ADAM9: variants seen among roughly 807,000 people sequenced by gnomAD.
The protein encoded by ADAM9 is ADAM metallopeptidase domain 9.
A neutral mutation model predicts 108.1 loss-of-function variants in ADAM9; 54 were observed. The ratio of observed to expected loss-of-function variants is 0.50; its 90% CI spans 0.40 to 0.63. ADAM9 has a LOEUF of 0.63. ADAM9 is among the 20% of genes least tolerant of loss of function. The pLI, the probability that ADAM9 is intolerant of heterozygous loss-of-function variation, is 0.00. For missense variants in ADAM9, 830 were observed against 997.7 expected, an observed-to-expected ratio of 0.83 and a Z score of 2.26; for synonymous variants, 316 against 336.0, an observed-to-expected ratio of 0.94 and a Z score of 0.65.
chr8:39,080,784 G>A lies in ADAM9; in HGVS notation c.1882-1857G>A, dbSNP rs1053557608. On this transcript the variant is annotated intron_variant, in intron 16 of 21. Coordinates refer to ENST00000487273, the MANE Select transcript of ADAM9 (RefSeq NM_003816.3). ...CTCACCTTCATTTTTATTGTCCCAG[G>A]TAGTTCAATTTTGCTCCCCACTTGC... is the stretch of plus-strand genomic sequence containing the variant. 5.9e-5 allele frequency among the ~76,000 whole-genome samples: 9 copies of A among 152,062 alleles called. No individual in the cohort carries two copies. In the South Asian group the frequency reaches 1.7e-3, roughly 28 times the overall value.
At chr8:39,071,510 A>G in intron 15 of ADAM9, 107 bp downstream of exon 15, 2 of 1,023,178 alleles carry the variant, frequency 2.0e-6, no homozygotes, top group East Asian at 2.7e-5. Context: ...CTCTGTTGCC[A>G]GGCTGGAGTG....
At chr8:39,037,961 C>G (rs1257945550) in intron 11 of ADAM9, among the ~76,000 whole-genome samples, 1 of 152,012 alleles carries the variant, frequency 6.6e-6, no homozygotes, top group Admixed American at 6.6e-5. Flanking sequence ...TTAATGGTAA[C>G]TCCTTCCTTC....
Position 39,054,523 on chromosome 8 carries a change from C to T in ADAM9, c.1345C>T (p.Leu449Phe). 3 of 1,605,884 alleles carry T rather than the reference C, an allele frequency of 1.9e-6. No individual in the cohort carries two copies. Among genetic ancestry groups the T allele is most frequent in the Non-Finnish European group, 2.5e-6 (3 of 1,177,072 alleles). The stretch of plus-strand genomic sequence containing the variant: ...TTGCTGCGAAGGAAGTACCTGTAAG[C>T]TTAAATCATTTGCTGAGTGTGCATA... Reference protein sequence around the residue: ...DPCCEGSTCKLKSFAECAYGD... With the variant: ...DPCCEGSTCKFKSFAECAYGD... The change falls in exon 13 of 22, where the codon CTT becomes TTT. Residue 449 changes from leucine (L) to phenylalanine (F), a missense_variant. This residue lies in a region of ADAM9 where 381 missense variants were observed against 539.8 expected (regional missense o/e 0.71). Transcript: ENST00000487273.
intron 12 of ADAM9, among the ~76,000 whole-genome samples, chr8:39,050,830 GTTTTTTTTT>G (rs58115667): frequency 5.9e-5 from 5 of 85,238 alleles, no homozygotes; most frequent in South Asian, 4.6e-4. Flanking sequence ...GCTTGGAAGT[GTTTTTTTTT>G]TTTTTTTTTT....
At chr8:39,099,999 C>T (rs1839636431) in intron 20 of ADAM9, among the ~76,000 whole-genome samples, 2 of 150,956 alleles carry the variant, frequency 1.3e-5, no homozygotes. Context: ...TCTGCCTTAG[C>T]CTCCTGAGTA....
chr8:39,008,061 C>A, intron 2 of ADAM9, 78 bp downstream of exon 2: 1 of 1,058,090 alleles, frequency 9.5e-7, no homozygotes. Context: ...TTATTTGTAG[C>A]AGTGATCAGT....
At chr8:39,076,640 T>A (rs1838857690) in intron 15 of ADAM9, among the ~76,000 whole-genome samples, 1 of 152,154 alleles carries the variant, frequency 6.6e-6, no homozygotes, top group Admixed American at 6.5e-5. Flanking sequence ...TGAAAGGATA[T>A]AGGAAGGGCA....
At chr8:39,054,708 C>A in intron 13 of ADAM9, 135 bp downstream of exon 13, 1 of 683,844 alleles carries the variant, frequency 1.5e-6, no homozygotes, top group South Asian at 1.7e-5. Flanking sequence ...AAATTTTATG[C>A]CACTTGTGTA....
intron 10 of ADAM9, 58 bp from the exon 11 acceptor site, chr8:39,026,618 GC>G: frequency 6.2e-7 from 1 of 1,610,048 alleles, no homozygotes; most frequent in South Asian, 1.1e-5. Context: ...AATAATCTGA[GC>G]AGCAAAACAT....
intron 1 of ADAM9, among the ~76,000 whole-genome samples, chr8:39,005,106 T>G (rs918513963): frequency 6.6e-6 from 1 of 152,174 alleles, no homozygotes; most frequent in Non-Finnish European, 1.5e-5. Context: ...CCTCATCCTT[T>G]TACATGGGAA....
At chr8:39,014,244 A>G in intron 4 of ADAM9, 1 of 581,586 alleles carries the variant, frequency 1.7e-6, no homozygotes, top group South Asian at 2.3e-5. Context: ...GGTACTCAGT[A>G]GTTAAGGTTT....
At chr8:39,050,058 T>C (rs895881050) in intron 12 of ADAM9, among the ~76,000 whole-genome samples, 4 of 152,216 alleles carry the variant, frequency 2.6e-5, no homozygotes, top group Non-Finnish European at 4.4e-5. Flanking sequence ...TGGCAGTTTT[T>C]TTCTTTCATT....
intron 15 of ADAM9, chr8:39,075,947 G>C (rs1838839092): frequency 6.6e-6 from 1 of 152,136 alleles, no homozygotes; most frequent in Admixed American, 6.5e-5. Flanking sequence ...GTAAAGTTGG[G>C]ACAAAATTAT....
chr8:39,017,494 T>C, intron 6 of ADAM9, 80 bp downstream of exon 6: 1 of 1,425,338 alleles, frequency 7.0e-7, no homozygotes, highest in African/African-American at 1.4e-5. Context: ...ATCAATACTA[T>C]GAGTAGTGTT....
At chr8:39,089,705 T>A (rs373552332) in intron 18 of ADAM9, 2 of 324,864 alleles carry the variant, frequency 6.2e-6, no homozygotes, top group African/African-American at 4.3e-5. Flanking sequence ...AGGTCCACTA[T>A]GTACAGATAA....
At chr8:39,031,575 C>A (rs568296302) in intron 11 of ADAM9, among the ~76,000 whole-genome samples, 2 of 152,248 alleles carry the variant, frequency 1.3e-5, no homozygotes, top group South Asian at 4.2e-4. Context: ...TTTTTAGCTT[C>A]CTTGCGATGG....
intron 11 of ADAM9, among the ~76,000 whole-genome samples, chr8:39,029,410 C>T (rs1025872291): frequency 9.2e-5 from 14 of 152,136 alleles, no homozygotes; most frequent in African/African-American, 3.4e-4. Flanking sequence ...CTTATTCTCC[C>T]AGTGACTTCT....
At chr8:39,055,895 C>T in intron 14 of ADAM9, 123 bp downstream of exon 14, 2 of 1,044,958 alleles carry the variant, frequency 1.9e-6, no homozygotes, top group Non-Finnish European at 2.7e-6. Context: ...ATCGTATTTC[C>T]TTTCTTCTTT....
At chr8:39,042,700 A>G (rs890040028) in intron 12 of ADAM9, among the ~76,000 whole-genome samples, 2 of 152,172 alleles carry the variant, frequency 1.3e-5, no homozygotes, top group African/African-American at 4.8e-5. Flanking sequence ...TATATACAGT[A>G]TACAGTAGGT....
Sources: gnomAD v4.1 joint callset for allele counts (sites outside exome capture counted in the v4.1 genomes callset) on GRCh38, gnomAD v4.1.1 for gene constraint, gnomAD v4.1.1 regional missense constraint, MANE v1.5 for transcripts, NCBI Gene and HGNC (gene_info 2026-07-23, HGNC 2026-07-21) for gene names.